TSHZ2: variants seen among roughly 807,000 people sequenced by gnomAD.
TSHZ2 encodes the protein teashirt zinc finger homeobox 2.
Under a neutral mutation model 74.4 loss-of-function variants are expected in TSHZ2, and 21 were observed. That is an observed-to-expected ratio of 0.28 (90% CI 0.20 to 0.41). The LOEUF (loss-of-function observed/expected upper bound fraction) is 0.41. Among genes scored for constraint, TSHZ2 ranks in the 10% least tolerant of loss-of-function variants. The pLI, the probability that TSHZ2 is intolerant of heterozygous loss-of-function variation, is 1.00. For synonymous variants in TSHZ2, 540 were observed against 515.3 expected, an observed-to-expected ratio of 1.05 and a Z score of -0.65; for missense variants, 1,244 against 1,293.5, an observed-to-expected ratio of 0.96 and a Z score of 0.59.
At chr20:53,388,482 G>T (rs914471212) in intron 2 of TSHZ2, among the ~76,000 whole-genome samples, 6 of 152,166 alleles carry the variant, frequency 3.9e-5, no homozygotes, top group Non-Finnish European at 8.8e-5. Flanking sequence ...CAACACTGAA[G>T]GTGGGTGAAA....
At chr20:52,998,717 T>C (rs965088564) in intron 1 of TSHZ2, among the ~76,000 whole-genome samples, 27 of 152,176 alleles carry the variant, frequency 1.8e-4, no homozygotes, top group African/African-American at 6.5e-4. Context: ...AGGAACCATG[T>C]CCAGTTTTAT....
intron 2 of TSHZ2, among the ~76,000 whole-genome samples, chr20:53,318,345 A>T (rs1411321469): frequency 2.6e-5 from 4 of 152,160 alleles, no homozygotes; most frequent in African/African-American, 9.7e-5. Flanking sequence ...AATGCACCCA[A>T]ACCTTCCAGA....
intron 1 of TSHZ2, among the ~76,000 whole-genome samples, chr20:52,979,142 T>C (rs1981467054): frequency 6.6e-6 from 1 of 152,194 alleles, no homozygotes; most frequent in African/African-American, 2.4e-5. Context: ...TCTATTTACA[T>C]GCCTCTAACA....
chr20:53,142,399 T>C (rs887734505), intron 1 of TSHZ2, among the ~76,000 whole-genome samples: 3 of 152,198 alleles, frequency 2.0e-5, no homozygotes, highest in African/African-American at 7.2e-5. Context: ...AAAAGGCTAA[T>C]TAAGTCTCAT....
rs372121784 is a variant in TSHZ2 at position 53,489,412 on chromosome 20, A to G, written c.*2277A>G. On this transcript the variant is annotated 3_prime_UTR_variant, in exon 3 of 3. Transcript: ENST00000371497. ...AGGAAATTCTATTAAAGGAAAATCAATGCATTAGTATTGGGGTTCTCGTAG... is the reference window on the plus strand; with the variant it reads ...AGGAAATTCTATTAAAGGAAAATCAGTGCATTAGTATTGGGGTTCTCGTAG... The G allele has an allele frequency of 9.6e-5, 33 of 345,214 alleles. No individual in the cohort carries two copies. Among genetic ancestry groups the G allele is most frequent in the African/African-American group, 1.9e-4 (9 of 46,560 alleles). 21.4% of individuals were successfully genotyped at this position (345,214 alleles called of 1,614,324 possible). A position where few individuals can be genotyped will look rare whatever the true frequency, so the allele number is the denominator to read the frequency against.
intron 1 of TSHZ2, among the ~76,000 whole-genome samples, chr20:53,146,252 G>A (rs1987537548): frequency 6.6e-6 from 1 of 152,158 alleles, no homozygotes; most frequent in Admixed American, 6.5e-5. Context: ...GCAGGGGGCG[G>A]ATGAGTCAAC....
chr20:53,206,848 C>T (rs1158077095), intron 1 of TSHZ2, among the ~76,000 whole-genome samples: 1 of 152,182 alleles, frequency 6.6e-6, no homozygotes, highest in African/African-American at 2.4e-5. Flanking sequence ...AATTCCTAAC[C>T]TTCCCTTGAT....
intron 2 of TSHZ2, among the ~76,000 whole-genome samples, chr20:53,422,738 G>A (rs1197943196): frequency 1.3e-5 from 2 of 152,152 alleles, no homozygotes; most frequent in African/African-American, 4.8e-5. Context: ...AAGCAATGCT[G>A]GGAGGAGGGG....
intron 1 of TSHZ2, among the ~76,000 whole-genome samples, chr20:53,135,525 G>A (rs757888573): frequency 6.6e-6 from 1 of 152,302 alleles, no homozygotes; most frequent in Non-Finnish European, 1.5e-5. Context: ...ATGCACTGCC[G>A]TTTGTTGATG....
At chr20:53,340,723 C>T (rs1198447006) in intron 2 of TSHZ2, among the ~76,000 whole-genome samples, 2 of 152,184 alleles carry the variant, frequency 1.3e-5, no homozygotes, top group Admixed American at 6.5e-5. Context: ...TGGGCTAGTT[C>T]GTCCTTCTGA....
intron 1 of TSHZ2, among the ~76,000 whole-genome samples, chr20:53,051,952 G>C (rs1265516531): frequency 4.0e-5 from 6 of 151,558 alleles, no homozygotes; most frequent in African/African-American, 1.5e-4. Context: ...TTACCTTTTG[G>C]AACAAAATTA....
chr20:53,092,280 C>T (rs952928937), intron 1 of TSHZ2, among the ~76,000 whole-genome samples: 1 of 152,006 alleles, frequency 6.6e-6, no homozygotes, highest in Non-Finnish European at 1.5e-5. Context: ...TGTCACATCC[C>T]TTTTTTAATG....
At chr20:53,102,311 T>C (rs1986239098) in intron 1 of TSHZ2, among the ~76,000 whole-genome samples, 1 of 152,152 alleles carries the variant, frequency 6.6e-6, no homozygotes, top group East Asian at 1.9e-4. Context: ...GTCTACACAG[T>C]GCTAGAGCAT....
rs571630646 is a variant in TSHZ2, at chr20:53,004,138, C to T, written c.40+30805C>T. ...TGCCTGAGCATGGAACACGCACCCACTCCCCCCCTCCAATTAAATACCTGC... is the reference window on the plus strand; with the variant it reads ...TGCCTGAGCATGGAACACGCACCCATTCCCCCCCTCCAATTAAATACCTGC... On this transcript the variant is annotated intron_variant, in intron 1 of 2. Transcript: ENST00000371497. Among the ~76,000 whole-genome samples the T allele has an allele frequency of 4.0e-5, 6 of 151,846 alleles. No individual in the cohort carries two copies. The East Asian group carries it at 1.2e-3, about 29-fold the overall frequency.
intron 2 of TSHZ2, among the ~76,000 whole-genome samples, chr20:53,485,483 C>T (rs903473444): frequency 1.3e-5 from 2 of 151,946 alleles, no homozygotes; most frequent in Non-Finnish European, 2.9e-5. Context: ...CTGAGGCAGG[C>T]GGATCACTTG....
chr20:53,409,223 C>T (rs1477771734), intron 2 of TSHZ2, among the ~76,000 whole-genome samples: 1 of 150,686 alleles, frequency 6.6e-6, no homozygotes, highest in Non-Finnish European at 1.5e-5. Flanking sequence ...TATGTTAAAT[C>T]AATAATGCTC....
At chr20:53,061,997 T>A (rs1293433) in intron 1 of TSHZ2, among the ~76,000 whole-genome samples, 109,620 of 152,134 alleles carry the variant, frequency 0.72, 40,653 homozygotes, top group East Asian at 0.97. Context: ...GTTAAAACAC[T>A]TAAGCAAGAA....
rs1317076366 is a variant in TSHZ2, at chr20:53,254,661, C to T, written c.1203C>T (p.Val401=). ...TLQQLTTHMM[V]TGHFLKVTSS... ...AGCAGCTCACCACCCACATGATGGT[C>T]ACAGGTCACTTTCTCAAGGTCACCA... Residue 401 remains valine (V), a synonymous_variant, in exon 2 of 3, where the codon GTC becomes GTT. Coordinates refer to ENST00000371497, the MANE Select transcript of TSHZ2 (RefSeq NM_173485.6). 6.2e-7 allele frequency: 1 copy of T among 1,614,150 alleles called. No homozygotes were observed. The highest frequency in any genetic ancestry group is 8.5e-7 in the Non-Finnish European group (1 of 1,180,036).
chr20:53,433,856 A>G (rs188868386), intron 2 of TSHZ2, among the ~76,000 whole-genome samples: 181 of 152,290 alleles, frequency 1.2e-3, no homozygotes, highest in African/African-American at 4.3e-3. Flanking sequence ...AATTTCCTAA[A>G]TAAAATGGGC....
Sources: allele counts gnomAD v4.1 joint callset (sites outside exome capture counted in the v4.1 genomes callset), GRCh38; gene constraint gnomAD v4.1.1; transcripts MANE v1.5; gene names NCBI Gene and HGNC (gene_info 2026-07-23, HGNC 2026-07-21).